COL23A1: variants seen among roughly 807,000 people sequenced by gnomAD.
The protein encoded by COL23A1 is collagen type XXIII alpha 1 chain, also known as collagen alpha-1(XXIII) chain.
In COL23A1, 97 loss-of-function variants were observed where a neutral mutation model predicts 99.3. The ratio of observed to expected loss-of-function variants is 0.98; its 90% confidence interval spans 0.83 to 1.16. COL23A1 has a LOEUF of 1.16. COL23A1 is among the 50% of genes most tolerant of loss of function. The pLI, the probability that COL23A1 is intolerant of heterozygous loss-of-function variation, is 0.00. For missense variants in COL23A1, 762 were observed against 757.4 expected, an observed-to-expected ratio of 1.01 and a Z score of -0.07; for synonymous variants, 320 against 308.2, an observed-to-expected ratio of 1.04 and a Z score of -0.40.
At chr5:178,279,560 C>T (rs1419420845) in intron 5 of COL23A1, among the ~76,000 whole-genome samples, 1 of 152,214 alleles carries the variant, frequency 6.6e-6, no homozygotes, top group Non-Finnish European at 1.5e-5. Flanking sequence ...GAAGACGAGG[C>T]CTCAGGTTCC....
At chr5:178,243,308 T>C (rs1764508011) in intron 25 of COL23A1, among the ~76,000 whole-genome samples, 1 of 151,550 alleles carries the variant, frequency 6.6e-6, no homozygotes, top group Admixed American at 6.6e-5. Context: ...GGCAACACAG[T>C]GAAACCCCAT....
intron 2 of COL23A1, among the ~76,000 whole-genome samples, chr5:178,558,361 C>A (rs1762389698): frequency 6.6e-6 from 1 of 152,164 alleles, no homozygotes; most frequent in African/African-American, 2.4e-5. Flanking sequence ...GGCTCCAGTT[C>A]TGATTGATCC....
chr5:178,493,626 C>T (rs1203335353), intron 2 of COL23A1, among the ~76,000 whole-genome samples: 1 of 152,276 alleles, frequency 6.6e-6, no homozygotes, highest in African/African-American at 2.4e-5. Context: ...ATCTCCACAC[C>T]TCCAAGGTTC....
chr5:178,379,351 A>G (rs1283531367), intron 2 of COL23A1, among the ~76,000 whole-genome samples: 6 of 152,096 alleles, frequency 3.9e-5, no homozygotes, highest in African/African-American at 1.4e-4. Flanking sequence ...ATACTAAACA[A>G]AACTCTCTAC....
intron 2 of COL23A1, among the ~76,000 whole-genome samples, chr5:178,358,646 G>A (rs1053867560): frequency 7.5e-5 from 11 of 147,410 alleles, no homozygotes; most frequent in Non-Finnish European, 1.3e-4. Flanking sequence ...GTGTGTGTGT[G>A]TATGTGTACG....
chr5:178,581,097 T>C (rs997730020), intron 1 of COL23A1, among the ~76,000 whole-genome samples: 1 of 152,242 alleles, frequency 6.6e-6, no homozygotes, highest in Admixed American at 6.5e-5. Flanking sequence ...TTGTTATCAA[T>C]TGCTTTTTGC....
At chr5:178,585,899 TG>T (rs1763975472) in intron 1 of COL23A1, among the ~76,000 whole-genome samples, 1 of 152,220 alleles carries the variant, frequency 6.6e-6, no homozygotes, top group South Asian at 2.1e-4. Flanking sequence ...GTGAAGGGGA[TG>T]GCGACCCTGT....
At chr5:178,273,795 G>T (rs1313912921) in intron 5 of COL23A1, among the ~76,000 whole-genome samples, 4 of 152,226 alleles carry the variant, frequency 2.6e-5, no homozygotes, top group African/African-American at 9.6e-5. Flanking sequence ...GGTGGGTATG[G>T]TCACTGAGGA....
At chr5:178,431,764 G>C (rs2127819960) in intron 2 of COL23A1, among the ~76,000 whole-genome samples, 1 of 152,352 alleles carries the variant, frequency 6.6e-6, no homozygotes, top group Non-Finnish European at 1.5e-5. Flanking sequence ...AACATTAAGA[G>C]ACTAGATCTG....
Position 178,288,350 on chromosome 5 carries a change from CCT to C in COL23A1, c.415-2_415-1del, listed in dbSNP as rs1163933197. ...GGGTAGCCATCTCGTCCTGATTGCC[CCT>C]GTGGTAATTAATATGTCATTAATAA... On this transcript the variant is annotated splice_acceptor_variant, in intron 4 of 28. Transcript: ENST00000390654. LOFTEE classifies it high-confidence loss of function. 1 of 1,611,970 alleles carries C rather than the reference CCT, an allele frequency of 6.2e-7. No individual in the cohort carries two copies.
chr5:178,374,746 C>G (rs1374898057), intron 2 of COL23A1, among the ~76,000 whole-genome samples: 1 of 152,172 alleles, frequency 6.6e-6, no homozygotes, highest in Non-Finnish European at 1.5e-5. Context: ...CGTGGCACGA[C>G]TGGAACCCTC....
intron 22 of COL23A1, among the ~76,000 whole-genome samples, chr5:178,247,030 CT>C (rs1449730217): frequency 2.6e-5 from 4 of 152,184 alleles, no homozygotes; most frequent in African/African-American, 9.7e-5. Context: ...CCTTCTGTGT[CT>C]GCCTCCCTGG....
intron 1 of COL23A1, among the ~76,000 whole-genome samples, chr5:178,588,137 GA>G: frequency 6.6e-6 from 1 of 152,304 alleles, no homozygotes; most frequent in South Asian, 2.1e-4. Flanking sequence ...CAGAGAGAGA[GA>G]GAGAACACAC....
At chr5:178,576,389 C>T (rs1289397265) in intron 1 of COL23A1, among the ~76,000 whole-genome samples, 2 of 152,208 alleles carry the variant, frequency 1.3e-5, no homozygotes, top group Admixed American at 1.3e-4. Context: ...CAGGCGCCCC[C>T]CACCACGCCT....
intron 2 of COL23A1, among the ~76,000 whole-genome samples, chr5:178,348,519 C>T (rs1453037218): frequency 6.6e-6 from 1 of 152,206 alleles, no homozygotes; most frequent in Non-Finnish European, 1.5e-5. Flanking sequence ...GGGTGTGTGG[C>T]CTCAGGGCTC....
chr5:178,517,557 G>GTTTTTTTTTTTTTTCT (rs35787274), intron 2 of COL23A1, among the ~76,000 whole-genome samples: 1 of 84,964 alleles, frequency 1.2e-5, no homozygotes, highest in African/African-American at 6.0e-5. Flanking sequence ...GGTGACAGCA[G>GTTTTTTTTTTTTTTCT]TTTTTTTTTT....
chr5:178,546,941 C>T (rs1053915144), intron 2 of COL23A1, among the ~76,000 whole-genome samples: 1 of 152,136 alleles, frequency 6.6e-6, no homozygotes, highest in Non-Finnish European at 1.5e-5. Context: ...ACGGAGGAGG[C>T]ACAGGGGCTC....
At chr5:178,391,918 CGGGATGAA>C (rs1763984303) in intron 2 of COL23A1, among the ~76,000 whole-genome samples, 2 of 151,820 alleles carry the variant, frequency 1.3e-5, no homozygotes, top group African/African-American at 4.8e-5. Context: ...GTACTGACAC[CGGGATGAA>C]CATGCAGGAA....
Position 178,589,993 on chromosome 5 carries a change from C to A in COL23A1, c.205G>T (p.Glu69Ter). ...AALQGRVAAL[E>*]EERELLRRAG... ...CGCCGCAGCAGCTCCCGCTCCTCCTCGAGCGCCGCCACCCGGCCCTGCAGC... is the reference window on the plus strand; with the variant it reads ...CGCCGCAGCAGCTCCCGCTCCTCCTAGAGCGCCGCCACCCGGCCCTGCAGC... Residue 69 changes from glutamate (E) to a stop codon, truncating the protein, a stop_gained, in exon 1 of 29, where the codon GAG becomes TAG. Transcript: ENST00000390654. LOFTEE classifies it high-confidence loss of function. The surrounding 1 kb of genome is among the most constrained non-coding windows in gnomAD (Gnocchi z 5.4). 1 of 1,343,456 alleles carries A rather than the reference C, an allele frequency of 7.4e-7. No individual in the cohort carries two copies. Among genetic ancestry groups the A allele is most frequent in the Non-Finnish European group, 9.5e-7 (1 of 1,051,914 alleles). The allele number at this position is 1,343,456 out of a possible 1,614,324, so 83.2% of individuals were successfully genotyped here.
Sources: gnomAD v4.1 joint callset for allele counts (sites outside exome capture counted in the v4.1 genomes callset) on GRCh38, gnomAD v4.1.1 for gene constraint, Gnocchi (gnomAD v3.1) non-coding constraint, MANE v1.5 for transcripts, NCBI Gene and HGNC (gene_info 2026-07-23, HGNC 2026-07-21) for gene names.